ADGRL3: variants seen among roughly 807,000 people sequenced by gnomAD.
The protein encoded by ADGRL3 is adhesion G protein-coupled receptor L3, also known as calcium-independent alpha-latrotoxin receptor 3.
A neutral mutation model predicts 153.5 loss-of-function variants in ADGRL3; 62 were observed. That is an observed-to-expected ratio of 0.40 (90% CI 0.33 to 0.50). The LOEUF (loss-of-function observed/expected upper bound fraction) is 0.50. ADGRL3 is among the 20% of genes least tolerant of loss of function. The pLI is 0.47. For missense variants in ADGRL3, 1,641 were observed against 1,859.4 expected (o/e 0.88, Z 2.16); for synonymous variants, 710 against 672.5 (o/e 1.06, Z -0.86).
intron 8 of ADGRL3, among the ~76,000 whole-genome samples, chr4:61,764,012 C>T (rs1463019608): frequency 6.6e-6 from 1 of 152,124 alleles, no homozygotes; most frequent in Non-Finnish European, 1.5e-5. Flanking sequence ...TCTTTTATAT[C>T]AACAAACATA....
intron 3 of ADGRL3, among the ~76,000 whole-genome samples, chr4:61,499,372 T>C (rs956996889): frequency 1.2e-4 from 18 of 152,200 alleles, no homozygotes; most frequent in Non-Finnish European, 2.6e-4. Flanking sequence ...CATATACTTA[T>C]ACATTCACAT....
chr4:61,373,806 G>T (rs547261877), intron 1 of ADGRL3, among the ~76,000 whole-genome samples: 3 of 152,086 alleles, frequency 2.0e-5, no homozygotes, highest in South Asian at 2.1e-4. Context: ...AAGCCAACAG[G>T]TTAAAAACAT....
At chr4:61,755,994 C>T (rs1035568706) in intron 8 of ADGRL3, among the ~76,000 whole-genome samples, 4 of 152,106 alleles carry the variant, frequency 2.6e-5, no homozygotes, top group Non-Finnish European at 4.4e-5. Context: ...TGTTTTGGTA[C>T]CAGTACCATG....
intron 9 of ADGRL3, among the ~76,000 whole-genome samples, chr4:61,823,672 G>A (rs2097775193): frequency 6.6e-6 from 1 of 152,068 alleles, no homozygotes; most frequent in Admixed American, 6.6e-5. Flanking sequence ...CTTGGAGCCA[G>A]GATTCAAACC....
chr4:61,732,908 T>C lies in ADGRL3; in HGVS notation c.753T>C (p.Thr251=), dbSNP rs2096463414. 6.2e-7 allele frequency: 1 copy of C among 1,613,712 alleles called. No individual in the cohort carries two copies. Among genetic ancestry groups the C allele is most frequent in the Non-Finnish European group, 8.5e-7 (1 of 1,179,786 alleles). Residue 251 remains threonine, a synonymous_variant, in exon 8 of 27, where the codon ACT becomes ACC. Transcript: ENST00000683033. Reference sequence around the variant, plus strand: ...CTCCCTACAGAACTGATACCCTGACTGAGTATTCATCCAAGGATGACTTCA... The same window carrying C: ...CTCCCTACAGAACTGATACCCTGACCGAGTATTCATCCAAGGATGACTTCA... ...PWTPYRTDTL[T]EYSSKDDFIA...
At chr4:61,291,185 C>G (rs1194363528) in intron 1 of ADGRL3, among the ~76,000 whole-genome samples, 2 of 77,034 alleles carry the variant, frequency 2.6e-5, no homozygotes, top group African/African-American at 8.4e-5. Context: ...TACACACACA[C>G]ACACACACAC....
At chr4:61,521,029 T>C (rs2098527908) in intron 4 of ADGRL3, among the ~76,000 whole-genome samples, 1 of 152,114 alleles carries the variant, frequency 6.6e-6, no homozygotes, top group African/African-American at 2.4e-5. Context: ...AAATATCCTT[T>C]ATCTAATTAC....
At chr4:61,771,104 A>G (rs2097080172) in intron 8 of ADGRL3, among the ~76,000 whole-genome samples, 1 of 152,200 alleles carries the variant, frequency 6.6e-6, no homozygotes, top group Non-Finnish European at 1.5e-5. Context: ...TAAGGTGTGA[A>G]TTCTACCCCA....
At chr4:61,380,184 G>T (rs938690570) in intron 1 of ADGRL3, among the ~76,000 whole-genome samples, 7 of 151,904 alleles carry the variant, frequency 4.6e-5, no homozygotes, top group Admixed American at 4.6e-4. Flanking sequence ...TATAGACACA[G>T]ACTCACATTT....
At chr4:61,621,614 G>A (rs1408729625) in intron 5 of ADGRL3, among the ~76,000 whole-genome samples, 2 of 151,896 alleles carry the variant, frequency 1.3e-5, no homozygotes, top group Admixed American at 6.6e-5. Flanking sequence ...CTTAATATTA[G>A]TGAAAATCTT....
At chr4:61,675,705 T>C (rs1344577839) in intron 5 of ADGRL3, among the ~76,000 whole-genome samples, 2 of 150,290 alleles carry the variant, frequency 1.3e-5, no homozygotes, top group African/African-American at 4.8e-5. Context: ...TGTATATTCA[T>C]GGGAACATGA....
chr4:61,768,706 A>G lies in ADGRL3; in HGVS notation c.1399+35152A>G, dbSNP rs1421176180. Reference sequence around the variant, plus strand: ...TTGAAGAGGTTTTAAGTTCTTAAGAATACAGGCTAAGGGAGAAGAAAGAGG... The same window carrying G: ...TTGAAGAGGTTTTAAGTTCTTAAGAGTACAGGCTAAGGGAGAAGAAAGAGG... On this transcript the variant is annotated intron_variant, in intron 8 of 26. Coordinates refer to ENST00000683033, the MANE Select transcript of ADGRL3 (RefSeq NM_001387552.1). 2.1e-5 allele frequency among the ~76,000 whole-genome samples: 3 copies of G among 143,254 alleles called. No homozygotes were observed. The East Asian group carries it at 6.3e-4, about 30-fold the overall frequency. The allele number at this position is 143,254 out of a possible 152,430, so 94.0% of individuals were successfully genotyped here. A position where few individuals can be genotyped will look rare whatever the true frequency, so the allele number is the denominator to read the frequency against.
chr4:61,925,290 A>G (rs2098789576), intron 13 of ADGRL3, among the ~76,000 whole-genome samples: 1 of 152,140 alleles, frequency 6.6e-6, no homozygotes, highest in Non-Finnish European at 1.5e-5. Context: ...ATTGTCAACT[A>G]TTCTTACTTC....
At chr4:61,489,724 C>T (rs1232051192) in intron 2 of ADGRL3, among the ~76,000 whole-genome samples, 1 of 151,932 alleles carries the variant, frequency 6.6e-6, no homozygotes, top group Non-Finnish European at 1.5e-5. Context: ...ATTCATTTAA[C>T]ACCTCTATTG....
intron 19 of ADGRL3, 109 bp from the exon 20 acceptor site, chr4:61,996,182 C>T: frequency 1.4e-6 from 1 of 690,950 alleles, no homozygotes; most frequent in Non-Finnish European, 2.6e-6. Flanking sequence ...TTTCCTGTCT[C>T]CCAGTGGAAT....
At chr4:61,939,690 GA>G (rs1332254484) in intron 15 of ADGRL3, among the ~76,000 whole-genome samples, 1 of 151,792 alleles carries the variant, frequency 6.6e-6, no homozygotes, top group African/African-American at 2.4e-5. Flanking sequence ...GGCTGGTCTT[GA>G]ATTCCTGACT....
intron 21 of ADGRL3, among the ~76,000 whole-genome samples, chr4:62,014,446 G>A (rs1179133584): frequency 6.6e-6 from 1 of 152,110 alleles, no homozygotes; most frequent in African/African-American, 2.4e-5. Context: ...GGTCTAGGAA[G>A]TATACAAAAA....
At chr4:61,825,889 G>A (rs2097795830) in intron 9 of ADGRL3, among the ~76,000 whole-genome samples, 1 of 152,164 alleles carries the variant, frequency 6.6e-6, no homozygotes, top group Admixed American at 6.6e-5. Context: ...GTGATGAGGG[G>A]TGTAGGGAGA....
intron 3 of ADGRL3, among the ~76,000 whole-genome samples, chr4:61,498,547 C>T (rs1043025007): frequency 6.6e-6 from 1 of 150,998 alleles, no homozygotes; most frequent in African/African-American, 2.4e-5. Flanking sequence ...GAGACTCTGT[C>T]TCAAAAAAAA....
Sources: allele counts gnomAD v4.1 joint callset (sites outside exome capture counted in the v4.1 genomes callset), GRCh38; gene constraint gnomAD v4.1.1; transcripts MANE v1.5; gene names NCBI Gene and HGNC (gene_info 2026-07-23, HGNC 2026-07-21).